LRRC8C: variants seen among roughly 807,000 people sequenced by gnomAD.
LRRC8C encodes the protein leucine rich repeat containing 8 VRAC subunit C, also known as volume-regulated anion channel subunit LRRC8C.
LRRC8C carries 20 observed loss-of-function variants against 55.3 expected under a neutral mutation model. The ratio of observed to expected loss-of-function variants is 0.36; its 90% confidence interval spans 0.25 to 0.53. LRRC8C has a LOEUF of 0.53. Ranked by LOEUF, LRRC8C falls within the 20% of genes least tolerant of loss-of-function variation. The pLI, the probability that LRRC8C is intolerant of heterozygous loss-of-function variation, is 0.92. For synonymous variants in LRRC8C, 376 were observed against 360.7 expected, an observed-to-expected ratio of 1.04 and a Z score of -0.48; for missense variants, 659 against 951.4, an observed-to-expected ratio of 0.69 and a Z score of 4.04.
intron 2 of LRRC8C, among the ~76,000 whole-genome samples, chr1:89,709,709 G>A (rs557431237): frequency 1.2e-3 from 181 of 147,534 alleles, no homozygotes; most frequent in African/African-American, 4.2e-3. Flanking sequence ...ATTCCTCTGT[G>A]TTTTTTTGTT....
intron 2 of LRRC8C, among the ~76,000 whole-genome samples, chr1:89,690,830 G>A (rs780536378): frequency 4.6e-5 from 7 of 152,080 alleles, no homozygotes; most frequent in African/African-American, 7.2e-5. Flanking sequence ...CTCTTACCTC[G>A]CACAATCAGT....
intron 2 of LRRC8C, among the ~76,000 whole-genome samples, chr1:89,687,027 A>G (rs1000767568): frequency 3.9e-5 from 6 of 152,236 alleles, no homozygotes; most frequent in African/African-American, 1.4e-4. Context: ...TTTTGATGAG[A>G]TATCATTATT....
intron 2 of LRRC8C, among the ~76,000 whole-genome samples, chr1:89,687,007 A>G (rs1657903537): frequency 6.6e-6 from 1 of 152,224 alleles, no homozygotes; most frequent in Non-Finnish European, 1.5e-5. Flanking sequence ...ATTTTCTGGA[A>G]GAACTAAAAT....
intron 1 of LRRC8C, among the ~76,000 whole-genome samples, chr1:89,671,528 A>G (rs10922693): frequency 0.31 from 47,079 of 151,968 alleles, 7,556 homozygotes; most frequent in East Asian, 0.36. Flanking sequence ...GACATGGTTG[A>G]CCCACATGTT....
intron 1 of LRRC8C, among the ~76,000 whole-genome samples, chr1:89,660,285 G>C (rs1336970118): frequency 6.6e-6 from 1 of 152,180 alleles, no homozygotes; most frequent in Non-Finnish European, 1.5e-5. Context: ...TTAGTGCGTA[G>C]CTGTACTTTT....
At chr1:89,667,809 G>C (rs927919677) in intron 1 of LRRC8C, among the ~76,000 whole-genome samples, 1 of 152,110 alleles carries the variant, frequency 6.6e-6, no homozygotes, top group African/African-American at 2.4e-5. Flanking sequence ...GTTAGAAAGA[G>C]ACTTTAGGTA....
intron 2 of LRRC8C, among the ~76,000 whole-genome samples, chr1:89,705,490 A>T (rs941894906): frequency 4.6e-5 from 7 of 151,954 alleles, no homozygotes; most frequent in Non-Finnish European, 4.4e-5. Flanking sequence ...AAATAAATAA[A>T]TGTTTTGGCC....
intron 1 of LRRC8C, among the ~76,000 whole-genome samples, chr1:89,654,317 G>A (rs1236164429): frequency 6.6e-6 from 1 of 152,146 alleles, no homozygotes; most frequent in Non-Finnish European, 1.5e-5. Flanking sequence ...TAAGTACAAT[G>A]AACATTATTC....
rs1209500627 is a variant in LRRC8C at position 89,717,558 on chromosome 1, T to TAG, written c.*2578_*2579dup. The TAG allele has an allele frequency of 6.6e-6, 1 of 152,192 alleles. No homozygotes were observed. Among genetic ancestry groups the TAG allele is most frequent in the East Asian group, 1.9e-4 (1 of 5,200 alleles). The allele number at this position is 152,192 out of a possible 1,614,324, so 9.4% of individuals were successfully genotyped here. ...TGTTTTAACTAAGAAGGAAAATTCA[T>TAG]AGATATTCCTATTAGATTTTATAAA... On this transcript the variant is annotated 3_prime_UTR_variant, in exon 3 of 3. Transcript: ENST00000370454.
intron 1 of LRRC8C, among the ~76,000 whole-genome samples, chr1:89,660,452 T>C (rs1570703148): frequency 6.6e-6 from 1 of 152,280 alleles, no homozygotes; most frequent in East Asian, 1.9e-4. Flanking sequence ...CAGGCATCAG[T>C]GTTTTTAAAA....
At chr1:89,636,137 A>G (rs1656275695) in intron 1 of LRRC8C, among the ~76,000 whole-genome samples, 1 of 152,220 alleles carries the variant, frequency 6.6e-6, no homozygotes, top group South Asian at 2.1e-4. Flanking sequence ...TTCCTCTTGT[A>G]TAATGGGATT....
chr1:89,632,804 G>C (rs376746605), upstream of LRRC8C: 2 of 152,328 alleles, frequency 1.3e-5, no homozygotes, highest in African/African-American at 4.8e-5. Context: ...CTCAGGGGTG[G>C]GAGTGGCCGC....
upstream of LRRC8C, among the ~76,000 whole-genome samples, chr1:89,630,577 C>T (rs1322164263): frequency 6.6e-6 from 1 of 152,206 alleles, no homozygotes; most frequent in African/African-American, 2.4e-5. Flanking sequence ...AGTCTGTGCA[C>T]CCAGTTCATC....
chr1:89,691,822 G>A (rs1658034863), intron 2 of LRRC8C, among the ~76,000 whole-genome samples: 1 of 152,002 alleles, frequency 6.6e-6, no homozygotes, highest in Non-Finnish European at 1.5e-5. Context: ...TTATAAAACA[G>A]GATTTTCAGT....
chr1:89,683,179 A>G (rs749021417), intron 1 of LRRC8C, among the ~76,000 whole-genome samples: 7 of 152,198 alleles, frequency 4.6e-5, no homozygotes, highest in Non-Finnish European at 7.3e-5. Context: ...TATTACTAAA[A>G]TGTGTCTTAA....
chr1:89,643,579 T>C (rs1656530095), intron 1 of LRRC8C, among the ~76,000 whole-genome samples: 1 of 152,228 alleles, frequency 6.6e-6, no homozygotes, highest in Non-Finnish European at 1.5e-5. Flanking sequence ...CTTTTAAGTA[T>C]GATAAGAATA....
rs1017617450 is a variant in LRRC8C, at chr1:89,718,329, C to T, written c.*3347C>T. ...TATGAATATTTTGTTCAGATGTAGC[C>T]ATTTACCTGGCTCTCAAGTTGTCTT... is the stretch of plus-strand genomic sequence containing the variant. On this transcript the variant is annotated 3_prime_UTR_variant, in exon 3 of 3. Coordinates refer to ENST00000370454, the MANE Select transcript of LRRC8C (RefSeq NM_032270.5). 6.6e-6 allele frequency: 1 copy of T among 152,110 alleles called. No homozygotes were observed. The highest frequency in any genetic ancestry group is 2.4e-5 in the African/African-American group (1 of 41,416). The allele number at this position is 152,110 out of a possible 1,614,324, so 9.4% of individuals were successfully genotyped here.
At chr1:89,625,357 T>C in the LRRC8C span, among the ~76,000 whole-genome samples, 3 of 152,206 alleles carry the variant, frequency 2.0e-5, no homozygotes, top group Non-Finnish European at 4.4e-5. Flanking sequence ...GTCACAAAGT[T>C]GGTCAATGAA....
chr1:89,705,625 A>G (rs1233492195), intron 2 of LRRC8C, among the ~76,000 whole-genome samples: 3 of 151,950 alleles, frequency 2.0e-5, no homozygotes, highest in East Asian at 3.9e-4. Context: ...ACAAAAAAAT[A>G]CAAAAATTAG....
Sources: allele counts gnomAD v4.1 joint callset (sites outside exome capture counted in the v4.1 genomes callset), GRCh38; gene constraint gnomAD v4.1.1; transcripts MANE v1.5; gene names NCBI Gene and HGNC (gene_info 2026-07-23, HGNC 2026-07-21).